B4GALNT2: variants seen among roughly 807,000 people sequenced by gnomAD.
The protein encoded by B4GALNT2 is N-acetylneuraminylgalactosylglucosyl-glucoside beta-1,4-N- acetylgalactosaminyltransferase 2.
A neutral mutation model predicts 51.1 loss-of-function variants in B4GALNT2; 42 were observed. The observed-to-expected ratio is 0.82, with a 90% CI of 0.64 to 1.06. The LOEUF (loss-of-function observed/expected upper bound fraction) is 1.06. B4GALNT2 is among the 50% of genes least tolerant of loss of function. The pLI, the probability that B4GALNT2 is intolerant of heterozygous loss-of-function variation, is 0.00. For synonymous variants in B4GALNT2, 253 were observed against 251.7 expected (o/e 1.01, Z -0.05); for missense variants, 602 against 633.6 (o/e 0.95, Z 0.54).
intron 3 of B4GALNT2, chr17:49,149,021 A>G (rs1169499446): frequency 6.5e-6 from 1 of 153,752 alleles, no homozygotes; most frequent in Non-Finnish European, 1.4e-5. Flanking sequence ...GTGCCACTGA[A>G]TTCCAGTCTG....
upstream of B4GALNT2, among the ~76,000 whole-genome samples, chr17:49,128,759 A>G (rs1324348423): frequency 6.6e-6 from 1 of 152,180 alleles, no homozygotes; most frequent in Non-Finnish European, 1.5e-5. Context: ...AAATCTGAAC[A>G]CTTTGGCTTT....
At chr17:49,160,492 G>A in intron 6 of B4GALNT2, 63 bp from the exon 7 acceptor site, 14 of 1,490,562 alleles carry the variant, frequency 9.4e-6, no homozygotes, top group Non-Finnish European at 1.3e-5. Flanking sequence ...GGCTTCCCGG[G>A]GTGGCATGGA....
intron 1 of B4GALNT2, chr17:49,133,251 G>A (rs774711287): frequency 4.1e-6 from 6 of 1,459,280 alleles, no homozygotes; most frequent in Non-Finnish European, 4.5e-6. Context: ...GGGACTGCGG[G>A]CTGTGGACAG....
chr17:49,147,607 C>T (rs1419520674), intron 3 of B4GALNT2, among the ~76,000 whole-genome samples: 1 of 151,954 alleles, frequency 6.6e-6, no homozygotes, highest in Non-Finnish European at 1.5e-5. Context: ...AACTCCTGAG[C>T]TCAAGCAATC....
intron 1 of B4GALNT2, among the ~76,000 whole-genome samples, chr17:49,133,565 A>T (rs2042561007): frequency 6.6e-6 from 1 of 152,244 alleles, no homozygotes; most frequent in Non-Finnish European, 1.5e-5. Context: ...CAAAGAAGTC[A>T]TCTCACAAAA....
At position 49,174,207 on chromosome 17, in the gene B4GALNT2, T is replaced by C. The variant is rs2042974280; in HGVS notation, c.*4479T>C. 1.3e-5 allele frequency: 2 copies of C among 152,118 alleles called. No individual in the cohort carries two copies. The highest frequency in any genetic ancestry group is 1.3e-4 in the Admixed American group (2 of 15,262). The allele number at this position is 152,118 out of a possible 1,614,324, so 9.4% of individuals were successfully genotyped here. ...GCAAGTGATCATAACATTGGAGTAATATTTCTCGAGTGGGGGGCAGCACAA... is the reference window on the plus strand; with the variant it reads ...GCAAGTGATCATAACATTGGAGTAACATTTCTCGAGTGGGGGGCAGCACAA... On this transcript the variant is annotated 3_prime_UTR_variant, in exon 11 of 11. Coordinates refer to ENST00000393354, the MANE Select transcript of B4GALNT2 (RefSeq NM_001159387.2).
upstream of B4GALNT2, chr17:49,132,373 G>A (rs1431471091): frequency 1.0e-5 from 2 of 191,722 alleles, no homozygotes; most frequent in Non-Finnish European, 2.1e-5. Context: ...TGCCAGGACA[G>A]TAGGTGTGGA....
rs1347273659 is a variant in B4GALNT2, at chr17:49,166,115, G to A, written c.956G>A (p.Gly319Asp). 3 of 1,613,750 alleles carry A rather than the reference G, an allele frequency of 1.9e-6. No homozygotes were observed. Among genetic ancestry groups the A allele is most frequent in the African/African-American group, 2.7e-5 (2 of 74,900 alleles). The stretch of plus-strand genomic sequence containing the variant: ...CCTTTAACCTCATTTCATCTACAGG[G>A]TTGGTTTGCTGGTAGGAACCTGGCC... ...VEYYTMPFGK[G>D]WFAGRNLAIS... Residue 319 changes from glycine (G) to aspartate (D), a missense_variant and splice_region_variant, in exon 9 of 11, where the codon GGT becomes GAT. Physicochemically the swap from Gly to Asp is moderately conservative, Grantham distance 94. Coordinates refer to ENST00000393354, the MANE Select transcript of B4GALNT2 (RefSeq NM_001159387.2).
intron 3 of B4GALNT2, among the ~76,000 whole-genome samples, chr17:49,143,973 C>G (rs374515362): frequency 9.9e-5 from 15 of 152,180 alleles, no homozygotes; most frequent in African/African-American, 3.4e-4. Context: ...CATGGCGAAA[C>G]TCCATCTCTA....
intron 7 of B4GALNT2, among the ~76,000 whole-genome samples, chr17:49,161,438 C>A (rs181577048): frequency 1.3e-5 from 2 of 152,066 alleles, no homozygotes; most frequent in South Asian, 4.1e-4. Flanking sequence ...CCAGCTCACA[C>A]CTCTAATCTC....
At chr17:49,144,081 G>A (rs1257730206) in intron 3 of B4GALNT2, among the ~76,000 whole-genome samples, 2 of 152,110 alleles carry the variant, frequency 1.3e-5, no homozygotes, top group Admixed American at 1.3e-4. Context: ...CCTGGGAGGT[G>A]GAGGTTGCAG....
intron 7 of B4GALNT2, 78 bp downstream of exon 7, chr17:49,160,719 A>AATTT: frequency 7.6e-7 from 1 of 1,323,426 alleles, no homozygotes; most frequent in Non-Finnish European, 1.1e-6. Flanking sequence ...ATCACCTCTG[A>AATTT]GACGGAGGAG....
At position 49,173,071 on chromosome 17, in the gene B4GALNT2, G is replaced by A. The variant is rs867148671; in HGVS notation, c.*3343G>A. The A allele has an allele frequency of 5.9e-5, 9 of 152,346 alleles. No individual in the cohort carries two copies. The highest frequency in any genetic ancestry group is 3.4e-3 in the Middle Eastern group (1 of 294). 9.4% of individuals were successfully genotyped at this position (152,346 alleles called of 1,614,324 possible). A position where few individuals can be genotyped will look rare whatever the true frequency, so the allele number is the denominator to read the frequency against. On this transcript the variant is annotated 3_prime_UTR_variant, in exon 11 of 11. Transcript: ENST00000393354. ...AGGTTAAATTGTGAAAGTGTCTAGC[G>A]TTAGATATTGCATTAGCAACTAGGT... is the stretch of plus-strand genomic sequence containing the variant.
At chr17:49,135,418 A>G (rs548251780) in intron 1 of B4GALNT2, among the ~76,000 whole-genome samples, 2 of 149,586 alleles carry the variant, frequency 1.3e-5, no homozygotes, top group East Asian at 4.0e-4. Context: ...TCCTGCCTCT[A>G]CAGGTGCGTG....
upstream of B4GALNT2, among the ~76,000 whole-genome samples, chr17:49,130,164 C>T (rs1438289789): frequency 6.6e-6 from 1 of 152,240 alleles, no homozygotes; most frequent in Non-Finnish European, 1.5e-5. Context: ...CCACAATCAC[C>T]AATCACAACA....
At chr17:49,164,855 G>T (rs2042897130) in intron 8 of B4GALNT2, among the ~76,000 whole-genome samples, 1 of 151,832 alleles carries the variant, frequency 6.6e-6, no homozygotes, top group African/African-American at 2.4e-5. Flanking sequence ...TGTCACCTAG[G>T]CTGGAGTGCA....
chr17:49,149,206 A>G (rs1045688318), intron 3 of B4GALNT2: 1 of 152,170 alleles, frequency 6.6e-6, no homozygotes, highest in African/African-American at 2.4e-5. Context: ...CTGAATTGCA[A>G]TATAGCTATG....
rs145043273 is a variant in B4GALNT2, at chr17:49,164,135, C to T, written c.814C>T (p.Arg272Cys). 24 of 1,613,986 alleles carry T rather than the reference C, an allele frequency of 1.5e-5. No individual in the cohort carries two copies. The highest frequency in any genetic ancestry group is 6.7e-5 in the African/African-American group (5 of 74,924). Reference protein sequence around the residue: ...LVTIATKTFLRPHKLMIMLRS... With the variant: ...LVTIATKTFLCPHKLMIMLRS... The stretch of plus-strand genomic sequence containing the variant: ...TACCATTGCTACCAAGACTTTCCTC[C>T]GCCCCCACAAGCTCATGATCATGCT... Residue 272 changes from arginine (R) to cysteine (C), a missense_variant, in exon 8 of 11, where the codon CGC becomes TGC. By Grantham distance (180) the Arg-to-Cys change is radical (BLOSUM62 -3). Coordinates refer to ENST00000393354, the MANE Select transcript of B4GALNT2 (RefSeq NM_001159387.2).
At chr17:49,140,950 C>T (rs886354993) in intron 1 of B4GALNT2, among the ~76,000 whole-genome samples, 2 of 151,988 alleles carry the variant, frequency 1.3e-5, no homozygotes, top group Non-Finnish European at 2.9e-5. Flanking sequence ...ATTTCTTGAC[C>T]GCGTGATCCG....
Sources: allele counts gnomAD v4.1 joint callset (sites outside exome capture counted in the v4.1 genomes callset), GRCh38; gene constraint gnomAD v4.1.1; transcripts MANE v1.5; gene names NCBI Gene and HGNC (gene_info 2026-07-23, HGNC 2026-07-21).